Variants in MORN1 observed in about 807,000 individuals in gnomAD.
MORN1 encodes MORN repeat containing 1.
Under a neutral mutation model 61.9 loss-of-function variants are expected in MORN1, and 67 were observed. The observed-to-expected ratio is 1.08, with a 90% CI of 0.89 to 1.33. The LOEUF is 1.33. Among genes scored for constraint, MORN1 ranks in the 40% most tolerant of loss-of-function variants. The pLI is 0.00. For synonymous variants in MORN1, 301 were observed against 292.0 expected (o/e 1.03, Z -0.31); for missense variants, 752 against 691.2 (o/e 1.09, Z -0.99).
intron 10 of MORN1, among the ~76,000 whole-genome samples, chr1:2,340,306 C>T (rs929942783): frequency 5.9e-5 from 9 of 152,140 alleles, no homozygotes; most frequent in South Asian, 4.1e-4. Flanking sequence ...CCAGCCCTGG[C>T]GGCCAGCAGC....
chr1:2,323,145 C>A, intron 13 of MORN1: 2 of 985,418 alleles, frequency 2.0e-6, no homozygotes, highest in Non-Finnish European at 2.4e-6. Context: ...GGCTGGGACG[C>A]GGTGGACCGG....
rs1553211094 is a variant in MORN1, at chr1:2,342,877, T to TTTTA, written c.1037-6031_1037-6028dup. Among the ~76,000 whole-genome samples the TTTTA allele has an allele frequency of 6.5e-3, 575 of 89,034 alleles. 4 individuals are homozygous for TTTTA. The highest frequency in any genetic ancestry group is 0.023 in the Middle Eastern group (5 of 214). The allele number at this position is 89,034 out of a possible 152,430, so 58.4% of individuals were successfully genotyped here. Reference sequence around the variant, plus strand: ...ATTTTATTTTATTTTATTTATTTTATTTTATTTTATTTTATTTTATTTTAT... The same window carrying TTTTA: ...ATTTTATTTTATTTTATTTATTTTATTTTATTTATTTTATTTTATTTTATTTTAT... On this transcript the variant is annotated intron_variant, in intron 10 of 13. Transcript: ENST00000378531.
chr1:2,336,526 C>T lies in MORN1; in HGVS notation c.1193G>A (p.Gly398Asp). ...TGGTGTCCCCCTGGGGTGCAGGCCG[C>T]CTCTGGATCTGCCGCCTGCCTTCTA... ...LHKKAGGRSR[G>D]GLHPRGTPPT... The change falls in exon 12 of 14, where the codon GGC becomes GAC. Residue 398 changes from glycine to aspartate, a missense_variant. Coordinates refer to ENST00000378531, the MANE Select transcript of MORN1 (RefSeq NM_024848.3). The T allele has an allele frequency of 6.2e-7, 1 of 1,612,762 alleles. No homozygotes were observed. Among genetic ancestry groups the T allele is most frequent in the African/African-American group, 1.3e-5 (1 of 75,036 alleles).
chr1:2,365,773 T>C (rs914188465), intron 8 of MORN1, among the ~76,000 whole-genome samples: 18 of 152,170 alleles, frequency 1.2e-4, no homozygotes, highest in Non-Finnish European at 2.1e-4. Context: ...AAAACCACAA[T>C]GAGATACCAT....
chr1:2,324,022 T>A, intron 13 of MORN1, 75 bp downstream of exon 13: 8 of 1,476,418 alleles, frequency 5.4e-6, no homozygotes, highest in Non-Finnish European at 7.2e-6. Flanking sequence ...CAACCCCACC[T>A]CCAGCCCTGG....
At chr1:2,329,682 A>G (rs574000806) in intron 12 of MORN1, among the ~76,000 whole-genome samples, 1 of 152,292 alleles carries the variant, frequency 6.6e-6, no homozygotes, top group African/African-American at 2.4e-5. Context: ...GAGGAGGCAG[A>G]GCCCTTGGGG....
At chr1:2,349,326 C>T (rs1183599031) in intron 10 of MORN1, among the ~76,000 whole-genome samples, 1 of 152,194 alleles carries the variant, frequency 6.6e-6, no homozygotes, top group Non-Finnish European at 1.5e-5. Context: ...AGGGGTGCTC[C>T]ACCCGCCTGC....
chr1:2,390,386 G>A, intron 1 of MORN1: 1 of 978,212 alleles, frequency 1.0e-6, no homozygotes, highest in South Asian at 4.7e-5. Context: ...AGGCACACAG[G>A]GGAGGAGCAG....
chr1:2,385,046 C>T lies in MORN1; in HGVS notation c.469G>A (p.Gly157Ser), dbSNP rs756927763. 1.4e-5 allele frequency: 23 copies of T among 1,596,850 alleles called. No homozygotes were observed. Among genetic ancestry groups the T allele is most frequent in the Admixed American group, 3.4e-5 (2 of 58,406 alleles). Reference sequence around the variant, plus strand: ...TGACGCCGGTCCCGGACCCAGTCGCCGTCGTACTTGTCACCGTTCCTGGGG... The same window carrying T: ...TGACGCCGGTCCCGGACCCAGTCGCTGTCGTACTTGTCACCGTTCCTGGGG... ...MLFQNGDKYD[G>S]DWVRDRRQGH... The change falls in exon 6 of 14, where the codon GGC becomes AGC. Residue 157 changes from glycine to serine, a missense_variant. Gly to Ser is a moderately conservative substitution (Grantham distance 56). Transcript: ENST00000378531.
At chr1:2,373,073 C>T (rs1287461249) in intron 7 of MORN1, among the ~76,000 whole-genome samples, 1 of 152,244 alleles carries the variant, frequency 6.6e-6, no homozygotes, top group Non-Finnish European at 1.5e-5. Context: ...CCTGCTCCAC[C>T]GGGGCCTGCA....
At chr1:2,385,711 C>G in intron 5 of MORN1, 96 bp downstream of exon 5, 1 of 1,155,330 alleles carries the variant, frequency 8.7e-7, no homozygotes, top group Non-Finnish European at 1.3e-6. Flanking sequence ...CGGGGTGTCC[C>G]ATGGCAGTCC....
chr1:2,390,083 T>C, intron 1 of MORN1, 87 bp from the exon 2 acceptor site: 4 of 1,272,108 alleles, frequency 3.1e-6, no homozygotes, highest in East Asian at 2.3e-5. Context: ...TGCAGCTCCC[T>C]TGAGGGCCTT....
chr1:2,321,309 G>A lies in MORN1; in HGVS notation c.*74C>T. The A allele has an allele frequency of 8.8e-7, 1 of 1,129,960 alleles. No homozygotes were observed. The highest frequency in any genetic ancestry group is 1.2e-6 in the Non-Finnish European group (1 of 823,942). 70.0% of individuals were successfully genotyped at this position (1,129,960 alleles called of 1,614,324 possible). On this transcript the variant is annotated 3_prime_UTR_variant, in exon 14 of 14. Transcript: ENST00000378531. ...CAACCACGGGGCTCTGGAGAATCGG[G>A]GAGCAGAGTCACGCAAGCAGAGGCA...
intron 12 of MORN1, 33 bp downstream of exon 12, chr1:2,336,436 C>G (rs746464543): frequency 1.4e-5 from 23 of 1,601,972 alleles, no homozygotes; most frequent in Non-Finnish European, 1.7e-5. Flanking sequence ...GCTGACCCTC[C>G]GAACACCTGC....
chr1:2,348,247 G>C (rs1227481972), intron 10 of MORN1, among the ~76,000 whole-genome samples: 3 of 152,246 alleles, frequency 2.0e-5, no homozygotes, highest in Non-Finnish European at 2.9e-5. Flanking sequence ...TCATCACAGA[G>C]AGACCCGGGT....
rs550288239 is a variant in MORN1, at chr1:2,348,821, A to G, written c.1036+8611T>C. Among the ~76,000 whole-genome samples the G allele has an allele frequency of 2.6e-4, 39 of 150,062 alleles. No homozygotes were observed. In the East Asian group the frequency reaches 5.3e-3, roughly 21 times the overall value. On this transcript the variant is annotated intron_variant, in intron 10 of 13. Transcript: ENST00000378531. ...CGCACTCCTGCGCGGGCACGCACAC[A>G]CACGCACGCACACGCACACCTGCGC...
intron 1 of MORN1, chr1:2,390,558 C>G: frequency 2.0e-6 from 2 of 985,414 alleles, no homozygotes; most frequent in Non-Finnish European, 2.4e-6. Context: ...GGCTCCCTCC[C>G]TACCAGCTCC....
chr1:2,385,903 G>A lies in MORN1; in HGVS notation c.359-6C>T, dbSNP rs536260687. ...GTCCACCAGAAACCCGTGTCCTGGAGAAGGGACCGAGAGACAGACTTGGCT... is the reference window on the plus strand; with the variant it reads ...GTCCACCAGAAACCCGTGTCCTGGAAAAGGGACCGAGAGACAGACTTGGCT... On this transcript the variant is annotated splice_polypyrimidine_tract_variant and splice_region_variant and intron_variant, in intron 4 of 13. Coordinates refer to ENST00000378531, the MANE Select transcript of MORN1 (RefSeq NM_024848.3). The A allele has an allele frequency of 5.0e-6, 8 of 1,613,454 alleles. No homozygotes were observed. In the Admixed American group the frequency reaches 6.7e-5, roughly 13 times the overall value.
At chr1:2,329,670 GAGAGGAGGC>G (rs1324512610) in intron 12 of MORN1, among the ~76,000 whole-genome samples, 37 of 152,206 alleles carry the variant, frequency 2.4e-4, no homozygotes. Context: ...GCAAGGCCCA[GAGAGGAGGC>G]AGAGCCCTTG....
Sources: allele counts gnomAD v4.1 joint callset (sites outside exome capture counted in the v4.1 genomes callset), GRCh38; gene constraint gnomAD v4.1.1; transcripts MANE v1.5; gene names NCBI Gene and HGNC (gene_info 2026-07-23, HGNC 2026-07-21).